The following PITPNM3 variants were observed in gnomAD, a reference collection of about 807,000 sequenced individuals.
The protein encoded by PITPNM3 is membrane-associated phosphatidylinositol transfer protein 3.
A neutral mutation model predicts 102.0 loss-of-function variants in PITPNM3; 26 were observed. The ratio of observed to expected loss-of-function variants is 0.25; its 90% CI spans 0.19 to 0.35. The LOEUF (loss-of-function observed/expected upper bound fraction) is 0.35, where lower values mean the gene tolerates loss of function less well. Among genes scored for constraint, PITPNM3 ranks in the 10% least tolerant of loss-of-function variants. The pLI is 1.00. For missense variants in PITPNM3, 1,083 were observed against 1,346.1 expected (o/e 0.80, Z 3.06); for synonymous variants, 578 against 558.6 (o/e 1.03, Z -0.49).
chr17:6,486,183 A>G (rs1472174759), intron 4 of PITPNM3, among the ~76,000 whole-genome samples: 2 of 152,008 alleles, frequency 1.3e-5, no homozygotes, highest in African/African-American at 4.8e-5. Context: ...TTCCTCCCCC[A>G]TGAGATGGAT....
At chr17:6,539,776 G>A (rs944660271) in intron 1 of PITPNM3, among the ~76,000 whole-genome samples, 3 of 152,278 alleles carry the variant, frequency 2.0e-5, no homozygotes, top group East Asian at 1.9e-4. Flanking sequence ...ATGTGAATAC[G>A]CTAGATTAAT....
chr17:6,552,879 G>C (rs919212671), intron 1 of PITPNM3, among the ~76,000 whole-genome samples: 3 of 147,924 alleles, frequency 2.0e-5, no homozygotes, highest in East Asian at 4.1e-4. Flanking sequence ...CCATTCTCTC[G>C]CCTCAGCCTC....
Position 6,455,206 on chromosome 17 carries a change from C to T in PITPNM3, c.*132G>A, listed in dbSNP as rs1473532312. 1.6e-6 allele frequency: 2 copies of T among 1,220,676 alleles called. No individual in the cohort carries two copies. Among genetic ancestry groups the T allele is most frequent in the Non-Finnish European group, 2.2e-6 (2 of 907,326 alleles). 75.6% of individuals were successfully genotyped at this position (1,220,676 alleles called of 1,614,324 possible). ...GGGCAGGATCCCTCCCCGCTCTGGT[C>T]GGACACTGCTGGACAGACACGGGAG... On this transcript the variant is annotated 3_prime_UTR_variant, in exon 20 of 20. Coordinates refer to ENST00000262483, the MANE Select transcript of PITPNM3 (RefSeq NM_031220.4).
At chr17:6,481,750 A>AGATAGATAGATG (rs1448322439) in intron 6 of PITPNM3, 13 of 149,358 alleles carry the variant, frequency 8.7e-5, no homozygotes, top group Admixed American at 3.3e-4. Flanking sequence ...ATAGATAGAT[A>AGATAGATAGATG]GATAGATAGA....
intron 2 of PITPNM3, among the ~76,000 whole-genome samples, chr17:6,534,361 C>T (rs1012254449): frequency 2.6e-5 from 4 of 152,166 alleles, no homozygotes; most frequent in African/African-American, 7.2e-5. Context: ...TTCCCTAATC[C>T]CTCCCATGCC....
Position 6,556,426 on chromosome 17 carries a change from G to A in PITPNM3, c.-20C>T. The A allele has an allele frequency of 2.4e-6, 3 of 1,264,296 alleles. No homozygotes were observed. Among genetic ancestry groups the A allele is most frequent in the Non-Finnish European group, 3.0e-6 (3 of 1,006,844 alleles). The allele number at this position is 1,264,296 out of a possible 1,614,324, so 78.3% of individuals were successfully genotyped here. On this transcript the variant is annotated 5_prime_UTR_variant, in exon 1 of 20. Transcript: ENST00000262483. This position sits in a 1 kb window ranked among gnomAD's most constrained non-coding sequence, Gnocchi z 5.2. ...GGCCATGTCCCGGGCGGCGGGCTCC[G>A]GCGGCGCTACGCGCGCTCCTCGCGC...
In PITPNM3 at chr17:6,469,598, C is replaced by A. The variant is rs1904958679; in HGVS notation, c.1773+662G>T. The stretch of plus-strand genomic sequence containing the variant: ...TCTCACCGTAATGCAAATCTTGCCA[C>A]TCTGTGGCACCTCCACCCCCTGTCC... On this transcript the variant is annotated intron_variant, in intron 13 of 19. Coordinates refer to ENST00000262483, the MANE Select transcript of PITPNM3 (RefSeq NM_031220.4). This position sits in a 1 kb window ranked among gnomAD's most constrained non-coding sequence, Gnocchi z 4.0. Among the ~76,000 whole-genome samples, 1 of 152,214 alleles carries A rather than the reference C, an allele frequency of 6.6e-6. No individual in the cohort carries two copies. The highest frequency in any genetic ancestry group is 1.5e-5 in the Non-Finnish European group (1 of 68,034).
rs201665634 is a variant in PITPNM3 at position 6,472,661 on chromosome 17, G to A, written c.1425C>T (p.Leu475=). The A allele has an allele frequency of 6.2e-7, 1 of 1,612,740 alleles. No homozygotes were observed. The highest frequency in any genetic ancestry group is 8.5e-7 in the Non-Finnish European group (1 of 1,179,758). ...CTCCCACCCCCAAGAACCTACCGAGGAGGAGGGACTGCCCATCGCCCAGTG... is the reference window on the plus strand; with the variant it reads ...CTCCCACCCCCAAGAACCTACCGAGAAGGAGGGACTGCCCATCGCCCAGTG... ...RFPLGDGQSL[L]LADALHTHSP... The change falls in exon 11 of 20, where the codon CTC becomes CTT. Residue 475 remains leucine (L), a synonymous_variant. Coordinates refer to ENST00000262483, the MANE Select transcript of PITPNM3 (RefSeq NM_031220.4). The surrounding 1 kb of genome is among the most constrained non-coding windows in gnomAD (Gnocchi z 4.1).
chr17:6,456,587 A>C (rs942023487), intron 19 of PITPNM3, among the ~76,000 whole-genome samples: 1 of 152,094 alleles, frequency 6.6e-6, no homozygotes, highest in South Asian at 2.1e-4. Flanking sequence ...CAGAATATGC[A>C]TGTCAACAAG....
intron 4 of PITPNM3, among the ~76,000 whole-genome samples, chr17:6,492,896 G>A (rs1018828046): frequency 5.3e-5 from 8 of 151,452 alleles, no homozygotes; most frequent in Admixed American, 2.0e-4. Context: ...AATAAAGTAA[G>A]CCTTCCAAGG....
At chr17:6,500,743 T>G (rs1016483028) in intron 4 of PITPNM3, among the ~76,000 whole-genome samples, 3 of 152,104 alleles carry the variant, frequency 2.0e-5, no homozygotes, top group Non-Finnish European at 4.4e-5. Flanking sequence ...TGGCATAATC[T>G]TGGCTCACTG....
intron 8 of PITPNM3, 76 bp from the exon 9 acceptor site, chr17:6,477,289 C>G (rs944222773): frequency 3.4e-6 from 5 of 1,464,060 alleles, no homozygotes; most frequent in Non-Finnish European, 4.7e-6. Flanking sequence ...CTCCTCCCCC[C>G]AAGCACAAAC....
intron 2 of PITPNM3, among the ~76,000 whole-genome samples, chr17:6,531,442 T>C (rs1211004721): frequency 3.9e-5 from 6 of 152,238 alleles, no homozygotes; most frequent in South Asian, 2.1e-4. Flanking sequence ...TGTCAACCCA[T>C]CCTCCTTGGT....
chr17:6,500,621 A>C (rs1373671497), intron 4 of PITPNM3, among the ~76,000 whole-genome samples: 1 of 151,862 alleles, frequency 6.6e-6, no homozygotes, highest in Non-Finnish European at 1.5e-5. Flanking sequence ...CCAAGGTACC[A>C]TTTCAGCTCC....
Position 6,556,135 on chromosome 17 carries a change from G to A in PITPNM3, c.22+250C>T, listed in dbSNP as rs920208191. ...ACTGGCCCGGGGCGCCGCAGACCTG[G>A]CCCTTTCCGGCGGGGCCGTGGAGAA... On this transcript the variant is annotated intron_variant, in intron 1 of 19. Coordinates refer to ENST00000262483, the MANE Select transcript of PITPNM3 (RefSeq NM_031220.4). This position sits in a 1 kb window ranked among gnomAD's most constrained non-coding sequence, Gnocchi z 5.2. Among the ~76,000 whole-genome samples, 5 of 152,012 alleles carry A rather than the reference G, an allele frequency of 3.3e-5. No homozygotes were observed. Among genetic ancestry groups the A allele is most frequent in the Non-Finnish European group, 7.4e-5 (5 of 67,932 alleles).
At chr17:6,479,231 G>A (rs1905514397) in intron 6 of PITPNM3, 1 of 167,964 alleles carries the variant, frequency 6.0e-6, no homozygotes, top group African/African-American at 2.4e-5. Context: ...TTGGAGCTGG[G>A]CACATAGCTG....
Position 6,471,366 on chromosome 17 carries a change from A to G in PITPNM3, c.1430-11T>C. On this transcript the variant is annotated splice_polypyrimidine_tract_variant and intron_variant, in intron 11 of 19. Transcript: ENST00000262483. ...TGTGTAGGGCATCAGCTGGAGGGGG[A>G]ATTTCAAGGTCAGGCTGAGTCACGT... The G allele has an allele frequency of 2.5e-6, 4 of 1,573,878 alleles. No individual in the cohort carries two copies. Among genetic ancestry groups the G allele is most frequent in the Non-Finnish European group, 3.4e-6 (4 of 1,162,008 alleles).
At chr17:6,471,465 C>T in intron 11 of PITPNM3, 110 bp from the exon 12 acceptor site, 2 of 1,085,634 alleles carry the variant, frequency 1.8e-6, no homozygotes, top group Non-Finnish European at 2.6e-6. Context: ...GGAGTCAGCC[C>T]CGGCTCTGCT....
At chr17:6,538,128 C>T (rs747090311) in intron 1 of PITPNM3, 46 bp from the exon 2 acceptor site, 21 of 1,457,752 alleles carry the variant, frequency 1.4e-5, no homozygotes, top group Non-Finnish European at 1.9e-5. Context: ...GATGTTGTCC[C>T]AGTATGAGGG....
Sources: gnomAD v4.1 joint callset for allele counts (sites outside exome capture counted in the v4.1 genomes callset) on GRCh38, gnomAD v4.1.1 for gene constraint, Gnocchi (gnomAD v3.1) non-coding constraint, MANE v1.5 for transcripts, NCBI Gene and HGNC (gene_info 2026-07-23, HGNC 2026-07-21) for gene names.